Variants in CC2D2A observed in about 807,000 individuals in gnomAD.
The protein encoded by CC2D2A is coiled-coil and C2 domain containing 2A.
CC2D2A carries 155 observed loss-of-function variants against 212.9 expected under a neutral mutation model. That is an observed-to-expected ratio of 0.73 (90% confidence interval 0.64 to 0.83). The LOEUF is 0.83. CC2D2A is among the 40% of genes least tolerant of loss of function. CC2D2A has a pLI of 0.00. For synonymous variants in CC2D2A, 667 were observed against 686.5 expected (o/e 0.97, Z 0.44); for missense variants, 1,856 against 1,956.2 (o/e 0.95, Z 0.97).
chr4:15,506,373 G>T (rs1239631839), intron 6 of CC2D2A, among the ~76,000 whole-genome samples: 2 of 152,034 alleles, frequency 1.3e-5, no homozygotes, highest in Non-Finnish European at 2.9e-5. Context: ...TATTATCTGA[G>T]CATATTTTCT....
At position 15,540,904 on chromosome 4, in the gene CC2D2A, AAGG is replaced by A. The variant is rs1718395356; in HGVS notation, c.2075_2077del (p.Glu692del). ...GTACTTAAAAGTGCTGTTCAACAAC[AAGG>A]AGGTGTCCAGGACAGTCAGTCGGCC... On this transcript the variant is annotated inframe_deletion, in exon 17 of 37. Transcript: ENST00000424120. 2 of 1,589,768 alleles carry A rather than the reference AAGG, an allele frequency of 1.3e-6. No homozygotes were observed. The highest frequency in any genetic ancestry group is 1.8e-5 in the Admixed American group (1 of 56,522).
chr4:15,538,582 G>A (rs1718261223), intron 16 of CC2D2A, among the ~76,000 whole-genome samples: 1 of 152,232 alleles, frequency 6.6e-6, no homozygotes, highest in Admixed American at 6.5e-5. Context: ...CTGCTCCAGG[G>A]ATCAGCTTTT....
chr4:15,558,271 A>G (rs907657116), intron 21 of CC2D2A, among the ~76,000 whole-genome samples: 1 of 152,170 alleles, frequency 6.6e-6, no homozygotes, highest in African/African-American at 2.4e-5. Context: ...TGGCAAAACT[A>G]TTCTTGAAGA....
chr4:15,560,821 C>T (rs1456861409), intron 23 of CC2D2A, among the ~76,000 whole-genome samples, 199 bp downstream of exon 23: 2 of 152,160 alleles, frequency 1.3e-5, no homozygotes, highest in Non-Finnish European at 2.9e-5. Flanking sequence ...TTCCTAGGGC[C>T]TCTCCCATTG....
rs1210552551 is a variant in CC2D2A, at chr4:15,502,307, C to T, written c.248-122C>T. On this transcript the variant is annotated intron_variant, in intron 4 of 36. Coordinates refer to ENST00000424120, the MANE Select transcript of CC2D2A (RefSeq NM_001378615.1). Reference sequence around the variant, plus strand: ...AATGTGCAAAATAAAATTATGTTCTCTTATTTCTTTTTTAATTTAACCTTC... The same window carrying T: ...AATGTGCAAAATAAAATTATGTTCTTTTATTTCTTTTTTAATTTAACCTTC... 5 of 738,156 alleles carry T rather than the reference C, an allele frequency of 6.8e-6. No homozygotes were observed. In the African/African-American group the frequency reaches 9.0e-5, roughly 13 times the overall value. 45.7% of individuals were successfully genotyped at this position (738,156 alleles called of 1,614,324 possible). A position where few individuals can be genotyped will look rare whatever the true frequency, so the allele number is the denominator to read the frequency against.
At chr4:15,594,575 C>T (rs934533924) in intron 33 of CC2D2A, among the ~76,000 whole-genome samples, 1 of 152,092 alleles carries the variant, frequency 6.6e-6, no homozygotes, top group Admixed American at 6.5e-5. Context: ...AGCAGAAGCA[C>T]ACAAAGCCTC....
At chr4:15,595,112 C>G (rs374863810) in intron 33 of CC2D2A, among the ~76,000 whole-genome samples, 1 of 152,132 alleles carries the variant, frequency 6.6e-6, no homozygotes, top group East Asian at 1.9e-4. Flanking sequence ...TGCCTGTTTA[C>G]TTATTTGTTT....
intron 35 of CC2D2A, among the ~76,000 whole-genome samples, 200 bp from the exon 36 acceptor site, chr4:15,599,329 C>T (rs1721470556): frequency 6.6e-6 from 1 of 152,074 alleles, no homozygotes; most frequent in Admixed American, 6.6e-5. Context: ...CATATACAAC[C>T]CTTAAGGACA....
intron 33 of CC2D2A, among the ~76,000 whole-genome samples, chr4:15,591,563 A>G (rs552158532): frequency 5.8e-4 from 88 of 152,306 alleles, no homozygotes; most frequent in African/African-American, 2.1e-3. Context: ...AATTAGAGAT[A>G]ATATATGCCA....
chr4:15,518,191 A>G (rs1716993628), intron 11 of CC2D2A, among the ~76,000 whole-genome samples: 1 of 152,204 alleles, frequency 6.6e-6, no homozygotes, highest in Non-Finnish European at 1.5e-5. Flanking sequence ...CATCAACTCA[A>G]AAGTCCATAG....
At chr4:15,538,939 C>T (rs776968894) in intron 16 of CC2D2A, among the ~76,000 whole-genome samples, 2 of 152,046 alleles carry the variant, frequency 1.3e-5, no homozygotes, top group African/African-American at 4.8e-5. Flanking sequence ...TGGCTCATGC[C>T]TGTAACCTCA....
intron 15 of CC2D2A, 30 bp from the exon 16 acceptor site, chr4:15,537,869 T>A: frequency 6.4e-7 from 1 of 1,559,824 alleles, no homozygotes; most frequent in Non-Finnish European, 8.7e-7. Context: ...AAAATTCCTG[T>A]TTGATATCAT....
intron 17 of CC2D2A, among the ~76,000 whole-genome samples, chr4:15,545,542 G>C (rs1439806442): frequency 6.6e-6 from 1 of 152,132 alleles, no homozygotes; most frequent in African/African-American, 2.4e-5. Flanking sequence ...GAAAGGAGCA[G>C]TGTAGACTGT....
intron 1 of CC2D2A, 22 bp from the exon 2 acceptor site, chr4:15,475,893 C>G (rs746504118): frequency 6.5e-7 from 1 of 1,547,072 alleles, no homozygotes; most frequent in Non-Finnish European, 8.8e-7. Flanking sequence ...AAATGCCTGA[C>G]TTCTTCATTG....
chr4:15,509,092 G>A (rs1716417053), intron 6 of CC2D2A, among the ~76,000 whole-genome samples: 1 of 152,138 alleles, frequency 6.6e-6, no homozygotes, highest in Non-Finnish European at 1.5e-5. Context: ...AGCAAGTAGA[G>A]ACAGAGGGCT....
chr4:15,569,447 ACAT>A, intron 27 of CC2D2A, 58 bp downstream of exon 27: 1 of 962,878 alleles, frequency 1.0e-6, no homozygotes, highest in Non-Finnish European at 1.6e-6. Context: ...TCTACCCACT[ACAT>A]AAGTTCCAAT....
intron 13 of CC2D2A, among the ~76,000 whole-genome samples, chr4:15,530,594 A>G (rs1717799610): frequency 6.6e-6 from 1 of 152,174 alleles, no homozygotes; most frequent in Non-Finnish European, 1.5e-5. Context: ...TGCCCAGCAG[A>G]GTCATGGACA....
intron 33 of CC2D2A, among the ~76,000 whole-genome samples, chr4:15,595,592 A>G (rs1721284215): frequency 6.6e-6 from 1 of 152,250 alleles, no homozygotes; most frequent in South Asian, 2.1e-4. Flanking sequence ...ATCCAAGGTC[A>G]CACAAATAGT....
chr4:15,578,004 T>C (rs1427122825), intron 29 of CC2D2A, among the ~76,000 whole-genome samples: 1 of 152,220 alleles, frequency 6.6e-6, no homozygotes, highest in Non-Finnish European at 1.5e-5. Context: ...TTCAACTGTG[T>C]CCTTTTTTGC....
Sources: allele counts gnomAD v4.1 joint callset (sites outside exome capture counted in the v4.1 genomes callset), GRCh38; gene constraint gnomAD v4.1.1; transcripts MANE v1.5; gene names NCBI Gene and HGNC (gene_info 2026-07-23, HGNC 2026-07-21).